Variants in RAB28 observed in about 807,000 individuals in gnomAD.
The protein encoded by RAB28 is RAB28, member RAS oncogene family, also known as ras-related protein Rab-28.
In RAB28, 24 loss-of-function variants were observed where a neutral mutation model predicts 31.7. That is an observed-to-expected ratio of 0.76 (90% CI 0.55 to 1.06). The LOEUF is 1.06. RAB28 is among the 50% of genes least tolerant of loss of function. RAB28 has a pLI of 0.00. For synonymous variants in RAB28, 100 were observed against 90.4 expected (o/e 1.11, Z -0.60); for missense variants, 254 against 258.5 (o/e 0.98, Z 0.12).
intron 4 of RAB28, among the ~76,000 whole-genome samples, chr4:13,397,175 A>T (rs1729905645): frequency 1.3e-5 from 2 of 152,184 alleles, no homozygotes; most frequent in African/African-American, 4.8e-5. Flanking sequence ...TTCACACCAC[A>T]ATAAGAATGA....
rs2108870584 is a variant in RAB28, at chr4:13,367,756, C to T, written c.*802G>A. The T allele has an allele frequency of 2.0e-6, 2 of 984,838 alleles. No homozygotes were observed. Among genetic ancestry groups the T allele is most frequent in the Non-Finnish European group, 2.4e-6 (2 of 829,472 alleles). The allele number at this position is 984,838 out of a possible 1,614,324, so 61.0% of individuals were successfully genotyped here. On this transcript the variant is annotated 3_prime_UTR_variant, in exon 7 of 7. Coordinates refer to ENST00000330852, the MANE Select transcript of RAB28 (RefSeq NM_001017979.3). ...AATAAGTTTATTTGTGAAAGAAAAA[C>T]ATCTGAACATCAGGTACAGTCTGAT...
intron 4 of RAB28, chr4:13,459,833 C>T: frequency 4.7e-6 from 6 of 1,276,842 alleles, no homozygotes; most frequent in Non-Finnish European, 4.1e-6. Flanking sequence ...ATGCATCGCT[C>T]AAAACCTCTG....
chr4:13,467,755 CA>C (rs561963593), intron 3 of RAB28, among the ~76,000 whole-genome samples: 22 of 151,702 alleles, frequency 1.5e-4, no homozygotes, highest in Non-Finnish European at 2.5e-4. Context: ...GAATAGAAAA[CA>C]AACATGACAG....
At chr4:13,413,150 G>T (rs1381415676) in intron 4 of RAB28, among the ~76,000 whole-genome samples, 1 of 151,998 alleles carries the variant, frequency 6.6e-6, no homozygotes, top group Non-Finnish European at 1.5e-5. Flanking sequence ...TTGTTTGAAA[G>T]GTATATGTTA....
intron 6 of RAB28, among the ~76,000 whole-genome samples, chr4:13,372,643 G>A (rs186293810): frequency 6.6e-4 from 101 of 152,146 alleles, no homozygotes; most frequent in African/African-American, 2.4e-3. Context: ...AAGAAAACAA[G>A]TGGTCTTTAG....
chr4:13,448,365 ATCT>A (rs1482640186), intron 4 of RAB28, among the ~76,000 whole-genome samples: 2 of 152,106 alleles, frequency 1.3e-5, no homozygotes, highest in African/African-American at 4.8e-5. Context: ...CATTTAATAA[ATCT>A]TCTCTATTAT....
intron 6 of RAB28, chr4:13,371,849 T>C: frequency 6.5e-7 from 1 of 1,545,524 alleles, no homozygotes; most frequent in Non-Finnish European, 8.8e-7. Context: ...GTTGATGAAA[T>C]GAAAATAATG....
At position 13,484,315 on chromosome 4, in the gene RAB28, A is replaced by C. The variant is rs896893437; in HGVS notation, c.-165T>G. The C allele has an allele frequency of 9.3e-5, 57 of 614,390 alleles. No homozygotes were observed. The highest frequency in any genetic ancestry group is 8.9e-4 in the Middle Eastern group (2 of 2,238). 38.1% of individuals were successfully genotyped at this position (614,390 alleles called of 1,614,324 possible). On this transcript the variant is annotated 5_prime_UTR_variant, in exon 1 of 7. It removes an upstream start codon present in the reference 5' UTR. Coordinates refer to ENST00000330852, the MANE Select transcript of RAB28 (RefSeq NM_001017979.3). ...CGAGGAGAATCACTCGGCAAGCGCCATCTTGCCCACCTCCCCGCCCTCTGC... is the reference window on the plus strand; with the variant it reads ...CGAGGAGAATCACTCGGCAAGCGCCCTCTTGCCCACCTCCCCGCCCTCTGC...
intron 5 of RAB28, 118 bp from the exon 6 acceptor site, chr4:13,376,740 G>A (rs1475559278): frequency 1.5e-5 from 8 of 525,892 alleles, no homozygotes; most frequent in African/African-American, 1.4e-4. Context: ...TGATATAGCA[G>A]GTGATTCCAA....
intron 4 of RAB28, among the ~76,000 whole-genome samples, chr4:13,390,052 G>A (rs558382605): frequency 2.6e-5 from 4 of 152,306 alleles, no homozygotes; most frequent in South Asian, 2.1e-4. Context: ...TGGAAGTTCC[G>A]GCCGAGCAAC....
At chr4:13,407,821 A>G (rs1577182880) in intron 4 of RAB28, among the ~76,000 whole-genome samples, 1 of 151,990 alleles carries the variant, frequency 6.6e-6, no homozygotes, top group African/African-American at 2.4e-5. Flanking sequence ...CTGTTTGTCT[A>G]TTATTGGCGT....
At chr4:13,420,370 C>G (rs1713058300) in intron 4 of RAB28, among the ~76,000 whole-genome samples, 1 of 152,118 alleles carries the variant, frequency 6.6e-6, no homozygotes, top group African/African-American at 2.4e-5. Context: ...ATATTCCAAT[C>G]AATAGAAAAA....
intron 4 of RAB28, among the ~76,000 whole-genome samples, chr4:13,429,022 G>A (rs1713665359): frequency 6.8e-6 from 1 of 147,482 alleles, no homozygotes; most frequent in South Asian, 2.1e-4. Context: ...TCAGCTCACT[G>A]CAACCTCCAC....
chr4:13,416,340 A>G (rs750411089), intron 4 of RAB28, among the ~76,000 whole-genome samples: 4 of 152,214 alleles, frequency 2.6e-5, no homozygotes, highest in Non-Finnish European at 4.4e-5. Flanking sequence ...CAAACCCACC[A>G]GAAGGAAGAA....
intron 1 of RAB28, among the ~76,000 whole-genome samples, chr4:13,483,802 C>T (rs892384054): frequency 2.0e-5 from 3 of 152,212 alleles, no homozygotes; most frequent in Non-Finnish European, 4.4e-5. Context: ...TCCTGAGAGG[C>T]GGGAAGCTGA....
intron 4 of RAB28, among the ~76,000 whole-genome samples, chr4:13,438,066 C>T (rs1420737012): frequency 6.6e-6 from 1 of 152,008 alleles, no homozygotes; most frequent in Non-Finnish European, 1.5e-5. Flanking sequence ...CATCTGGAGG[C>T]CATTACCCTA....
chr4:13,378,838 T>C (rs933117289), intron 5 of RAB28, among the ~76,000 whole-genome samples: 8 of 152,106 alleles, frequency 5.3e-5, no homozygotes, highest in African/African-American at 1.9e-4. Flanking sequence ...TCAAATTTCT[T>C]ATAAAATAGG....
chr4:13,389,296 G>C (rs1729521803), intron 4 of RAB28, among the ~76,000 whole-genome samples: 2 of 152,098 alleles, frequency 1.3e-5, no homozygotes, highest in Non-Finnish European at 2.9e-5. Flanking sequence ...GTTGCCAGGG[G>C]ATGTAGGCAG....
chr4:13,381,576 C>T lies in RAB28; in HGVS notation c.410G>A (p.Arg137Gln), dbSNP rs766643572. 29 of 1,612,200 alleles carry T rather than the reference C, an allele frequency of 1.8e-5. No individual in the cohort carries two copies. The highest frequency in any genetic ancestry group is 2.3e-5 in the Non-Finnish European group (27 of 1,179,092). Residue 137 changes from arginine (R) to glutamine (Q), a missense_variant, in exon 5 of 7, where the codon CGA (arginine) becomes CAA (glutamine). By Grantham distance (43) the Arg-to-Gln change is conservative. Coordinates refer to ENST00000330852, the MANE Select transcript of RAB28 (RefSeq NM_001017979.3). ...VGNKIDLEHM[R>Q]TIKPEKHLRF... ...TAAGTGTTTTTCAGGTTTTATTGTT[C>T]GCATATGCTCCAAATCAACTAGAAA... is the stretch of plus-strand genomic sequence containing the variant.
Sources: gnomAD v4.1 joint callset for allele counts (sites outside exome capture counted in the v4.1 genomes callset) on GRCh38, gnomAD v4.1.1 for gene constraint, MANE v1.5 for transcripts, NCBI Gene and HGNC (gene_info 2026-07-23, HGNC 2026-07-21) for gene names.